The following OTP variants were observed in gnomAD, a reference collection of about 807,000 sequenced individuals.
The protein encoded by OTP is homeobox protein orthopedia.
Under a neutral mutation model 22.3 loss-of-function variants are expected in OTP, and 5 were observed. The ratio of observed to expected loss-of-function variants is 0.22; its 90% CI spans 0.12 to 0.47. OTP has a LOEUF of 0.47. Among genes scored for constraint, OTP ranks in the 20% least tolerant of loss-of-function variants. The probability of loss-of-function intolerance (pLI) is 0.99; values close to 1 mark genes in which losing one functional copy is unlikely to be tolerated. For synonymous variants in OTP, 229 were observed against 210.6 expected (o/e 1.09, Z -0.76); for missense variants, 428 against 456.2 (o/e 0.94, Z 0.56).
chr5:77,630,894 G>C (rs1433235886), intron 2 of OTP, 100 bp from the exon 3 acceptor site: 3 of 1,282,610 alleles, frequency 2.3e-6, no homozygotes, highest in Non-Finnish European at 3.1e-6. Context: ...GGATACAGCC[G>C]CTCTGCCCTG....
In OTP at chr5:77,630,228, G is replaced by A. The variant is rs1456518182; in HGVS notation, c.*36C>T. ...AGGGCCTCGGGGCGGCCCCCGGGGC[G>A]GTGCTGGGGGCGGAGCGGGCCGGGG... On this transcript the variant is annotated 3_prime_UTR_variant, in exon 3 of 3. Transcript: ENST00000306422. 4 of 1,399,350 alleles carry A rather than the reference G, an allele frequency of 2.9e-6. No homozygotes were observed. Among genetic ancestry groups the A allele is most frequent in the Non-Finnish European group, 3.7e-6 (4 of 1,072,670 alleles). The allele number at this position is 1,399,350 out of a possible 1,614,324, so 86.7% of individuals were successfully genotyped here.
Position 77,638,579 on chromosome 5 carries a change from C to G in OTP, c.-30G>C. The G allele has an allele frequency of 6.5e-7, 1 of 1,545,632 alleles. No homozygotes were observed. The highest frequency in any genetic ancestry group is 1.2e-5 in the South Asian group (1 of 80,366). ...CACCGCTCCAGGGCGAAAGCTGTTCCCCCCCAAATTTTAGCGGCTTTAAGT... is the reference window on the plus strand; with the variant it reads ...CACCGCTCCAGGGCGAAAGCTGTTCGCCCCCAAATTTTAGCGGCTTTAAGT... On this transcript the variant is annotated 5_prime_UTR_variant, in exon 1 of 3. Coordinates refer to ENST00000306422, the MANE Select transcript of OTP (RefSeq NM_032109.3).
At chr5:77,633,901 T>G (rs1272813292) in intron 2 of OTP, among the ~76,000 whole-genome samples, 1 of 152,210 alleles carries the variant, frequency 6.6e-6, no homozygotes, top group Non-Finnish European at 1.5e-5. Context: ...TTCATTTCGA[T>G]CAGCCAGCCG....
rs1744891762 is a variant in OTP, at chr5:77,629,794, C to A, written c.*470G>T. ...AAATGGCGGGAAGGATACTTTTTGC[C>A]GGGCGCGGGAGGAGGGTCGCGAAGT... On this transcript the variant is annotated 3_prime_UTR_variant, in exon 3 of 3. Transcript: ENST00000306422. The A allele has an allele frequency of 6.2e-6, 1 of 162,416 alleles. No homozygotes were observed. Among genetic ancestry groups the A allele is most frequent in the Non-Finnish European group, 1.3e-5 (1 of 74,436 alleles). 10.1% of individuals were successfully genotyped at this position (162,416 alleles called of 1,614,324 possible).
At chr5:77,634,000 C>T (rs1744969842) in intron 2 of OTP, among the ~76,000 whole-genome samples, 1 of 151,938 alleles carries the variant, frequency 6.6e-6, no homozygotes, top group African/African-American at 2.4e-5. Flanking sequence ...CTAGAAAATA[C>T]TCTCAGTTTG....
At chr5:77,636,431 G>A in intron 2 of OTP, 1 of 184,804 alleles carries the variant, frequency 5.4e-6, no homozygotes, top group Non-Finnish European at 1.1e-5. Context: ...TTATCCAAAC[G>A]CTTAACACAA....
chr5:77,635,270 G>A (rs1407587292), intron 2 of OTP, among the ~76,000 whole-genome samples: 1 of 152,174 alleles, frequency 6.6e-6, no homozygotes, highest in Non-Finnish European at 1.5e-5. Flanking sequence ...TGTCATCAGT[G>A]TTGATGGAAG....
chr5:77,631,812 C>T (rs1479057903), intron 2 of OTP, among the ~76,000 whole-genome samples: 1 of 152,008 alleles, frequency 6.6e-6, no homozygotes, highest in Non-Finnish European at 1.5e-5. Flanking sequence ...ATCCACCCGC[C>T]TCGGCCTCCC....
intron 2 of OTP, among the ~76,000 whole-genome samples, chr5:77,631,333 CAG>C (rs902495806): frequency 2.6e-5 from 4 of 152,204 alleles, no homozygotes; most frequent in African/African-American, 7.2e-5. Flanking sequence ...CTACGGTTGA[CAG>C]AGCGGAGAGG....
chr5:77,638,374 T>A (rs547838941), intron 1 of OTP, 139 bp downstream of exon 1: 1 of 822,758 alleles, frequency 1.2e-6, no homozygotes, highest in South Asian at 1.6e-5. Context: ...CGATGTTAAA[T>A]CAAATTAAAC....
rs1454218805 is a variant in OTP, at chr5:77,636,977, C to G, written c.291G>C (p.Gln97His). The change falls in exon 2 of 3, where the codon CAG becomes CAC. Residue 97 changes from glutamine to histidine, a missense_variant. By Grantham distance (24) the Gln-to-His change is conservative. This residue lies in a region of OTP where 176 missense variants were observed against 162.9 expected (regional missense o/e 1.08). Transcript: ENST00000306422. ...QGGPNPSQAG[Q>H]QQGQQKQKRH... ...GCTTCTGCTTCTGTTGGCCCTGCTG[C>G]TGGCCGGCTTGGCTGGGGTTCGGGC... The G allele has an allele frequency of 8.1e-6, 13 of 1,613,872 alleles. 1 individual carries two copies. Among genetic ancestry groups the G allele is most frequent in the South Asian group, 1.1e-5 (1 of 91,090 alleles).
At chr5:77,633,672 T>C (rs542117337) in intron 2 of OTP, among the ~76,000 whole-genome samples, 1 of 152,316 alleles carries the variant, frequency 6.6e-6, no homozygotes, top group African/African-American at 2.4e-5. Flanking sequence ...GTTACAGTAA[T>C]ATAGACATAC....
intron 1 of OTP, 121 bp from the exon 2 acceptor site, chr5:77,637,351 G>A: frequency 8.5e-7 from 1 of 1,174,344 alleles, no homozygotes; most frequent in African/African-American, 1.6e-5. Flanking sequence ...TTGTCCTAAG[G>A]AAGAAACTCC....
At chr5:77,633,588 T>G (rs1008505407) in intron 2 of OTP, among the ~76,000 whole-genome samples, 16 of 152,178 alleles carry the variant, frequency 1.1e-4, no homozygotes, top group Admixed American at 9.2e-4. Context: ...CAGCTCTTCT[T>G]GGAAAATGCT....
At chr5:77,631,246 G>T (rs573537582) in intron 2 of OTP, among the ~76,000 whole-genome samples, 2 of 152,186 alleles carry the variant, frequency 1.3e-5, no homozygotes, top group Admixed American at 6.5e-5. Context: ...TTTCAGAAAC[G>T]CTGGAAATTT....
At chr5:77,633,945 G>C (rs1184161635) in intron 2 of OTP, among the ~76,000 whole-genome samples, 1 of 152,150 alleles carries the variant, frequency 6.6e-6, no homozygotes, top group Non-Finnish European at 1.5e-5. Flanking sequence ...CAGTTTAATA[G>C]TGCTGGGAGA....
At chr5:77,632,552 G>A (rs1322164750) in intron 2 of OTP, among the ~76,000 whole-genome samples, 3 of 151,878 alleles carry the variant, frequency 2.0e-5, no homozygotes, top group African/African-American at 4.8e-5. Context: ...AGCCAGCAAT[G>A]TTCAGCGGTG....
In OTP at chr5:77,637,119, T is replaced by G. The variant is rs1206946347; in HGVS notation, c.149A>C (p.Asp50Ala). ...CAGCAGAGTGGCTCCCTCCACTGGGTCAGAGTTGGGCGCCAGGTCCCCCGG... is the reference window on the plus strand; with the variant it reads ...CAGCAGAGTGGCTCCCTCCACTGGGGCAGAGTTGGGCGCCAGGTCCCCCGG... ...GHPGDLAPNS[D>A]PVEGATLLPG... Residue 50 changes from aspartate to alanine, a missense_variant, in exon 2 of 3, where the codon GAC becomes GCC. By Grantham distance (126) the Asp-to-Ala change is moderately radical (BLOSUM62 -2). Around this residue, in one of 3 missense-constraint regions of OTP, gnomAD observed 176 missense variants for 162.9 expected, o/e 1.08. Transcript: ENST00000306422. The G allele has an allele frequency of 6.2e-7, 1 of 1,609,980 alleles. No homozygotes were observed. The highest frequency in any genetic ancestry group is 1.3e-5 in the African/African-American group (1 of 74,896).
Position 77,638,516 on chromosome 5 carries a change from G to A in OTP, c.34C>T (p.Leu12=). The change falls in exon 1 of 3, where the codon CTA becomes TTA. Residue 12 remains leucine, a synonymous_variant. Transcript: ENST00000306422. ...CGGGCGAGAGGCGCGCACTCACCTA[G>A]CCTGGCGTCCAGGAGGTCGGCATGA... ...LSHADLLDAR[L]GMKDAAELLG... 1 of 1,575,562 alleles carries A rather than the reference G, an allele frequency of 6.3e-7. No individual in the cohort carries two copies.
Sources: allele counts gnomAD v4.1 joint callset (sites outside exome capture counted in the v4.1 genomes callset), GRCh38; gene constraint gnomAD v4.1.1; regional missense constraint gnomAD v4.1.1; transcripts MANE v1.5; gene names NCBI Gene and HGNC (gene_info 2026-07-23, HGNC 2026-07-21).